SHC4: variants seen among roughly 807,000 people sequenced by gnomAD.
The protein encoded by SHC4 is SHC adaptor protein 4.
In SHC4, 41 loss-of-function variants were observed where a neutral mutation model predicts 69.4. That is an observed-to-expected ratio of 0.59 (90% CI 0.46 to 0.77). SHC4 has a LOEUF of 0.77. Among genes scored for constraint, SHC4 ranks in the 30% least tolerant of loss-of-function variants. The pLI is 0.00. For synonymous variants in SHC4, 318 were observed against 299.3 expected (o/e 1.06, Z -0.64); for missense variants, 777 against 783.8 (o/e 0.99, Z 0.10).
intron 1 of SHC4, among the ~76,000 whole-genome samples, chr15:48,937,164 T>G (rs1181927751): frequency 6.6e-6 from 1 of 152,250 alleles, no homozygotes; most frequent in Non-Finnish European, 1.5e-5. Context: ...GTCGCAAAAG[T>G]ATTATATCAT....
At chr15:48,876,498 C>T (rs1046456558) in intron 4 of SHC4, 19 of 532,814 alleles carry the variant, frequency 3.6e-5, no homozygotes, top group African/African-American at 2.1e-4. Flanking sequence ...TACATATACA[C>T]ATATATATGT....
At chr15:48,932,552 A>G (rs796391784) in intron 1 of SHC4, among the ~76,000 whole-genome samples, 70 of 152,202 alleles carry the variant, frequency 4.6e-4, no homozygotes, top group African/African-American at 1.7e-3. Flanking sequence ...TGAACTCACC[A>G]TGCTTCAAAA....
chr15:48,890,611 T>C (rs1423114926), intron 3 of SHC4, 137 bp downstream of exon 3: 11 of 923,730 alleles, frequency 1.2e-5, no homozygotes, highest in East Asian at 9.9e-5. Flanking sequence ...CAGTTTTGAG[T>C]GCAGCTCTGA....
At chr15:48,900,233 C>T (rs562911355) in intron 2 of SHC4, among the ~76,000 whole-genome samples, 82 of 152,166 alleles carry the variant, frequency 5.4e-4, no homozygotes, top group African/African-American at 1.8e-3. Flanking sequence ...TATGGCTGGG[C>T]GCAGTGGCTC....
In SHC4 at chr15:48,866,444, G is replaced by C. The variant is rs138667949; in HGVS notation, c.946+1374C>G. ...GAGGATCTACTACGTGCCAGGCTCT[G>C]TGCCAGCAGCTGGGCTTCATCATTT... On this transcript the variant is annotated intron_variant, in intron 6 of 11. Transcript: ENST00000332408. Among the ~76,000 whole-genome samples the C allele has an allele frequency of 2.6e-3, 392 of 152,298 alleles. 2 individuals carry two copies. The highest frequency in any genetic ancestry group is 9.2e-3 in the African/African-American group (381 of 41,562).
At chr15:48,937,538 C>T (rs975370296) in intron 1 of SHC4, among the ~76,000 whole-genome samples, 1 of 151,862 alleles carries the variant, frequency 6.6e-6, no homozygotes, top group Non-Finnish European at 1.5e-5. Flanking sequence ...AGACTCATGC[C>T]TTGCATATAT....
intron 9 of SHC4, 88 bp from the exon 10 acceptor site, chr15:48,843,676 C>T: frequency 1.5e-6 from 2 of 1,303,052 alleles, no homozygotes; most frequent in Non-Finnish European, 2.1e-6. Flanking sequence ...TTGATAGAAA[C>T]CTAAAGGCCA....
Position 48,843,414 on chromosome 15 carries a change from C to T in SHC4, c.1478G>A (p.Cys493Tyr). 2 of 1,607,690 alleles carry T rather than the reference C, an allele frequency of 1.2e-6. No homozygotes were observed. The highest frequency in any genetic ancestry group is 1.7e-6 in the Non-Finnish European group (2 of 1,175,858). ...GACAGTGAGTAGCTACTTACTTCCG[C>T]AGTGCCATGGGCTCCCCAGTGGTTG... The part of the protein sequence containing the change: ...SAQPLGSPWH[C>Y]GKAPETVQPG... The change falls in exon 10 of 12, where the codon TGC becomes TAC. Residue 493 changes from cysteine (C) to tyrosine (Y), a missense_variant. Coordinates refer to ENST00000332408, the MANE Select transcript of SHC4 (RefSeq NM_203349.4).
intron 6 of SHC4, among the ~76,000 whole-genome samples, chr15:48,863,653 T>C (rs989206237): frequency 6.6e-6 from 1 of 152,242 alleles, no homozygotes; most frequent in Non-Finnish European, 1.5e-5. Flanking sequence ...ATCTAAACTC[T>C]TTATCAGCAG....
chr15:48,856,280 G>A (rs7183535), intron 7 of SHC4, among the ~76,000 whole-genome samples, 156 bp from the exon 8 acceptor site: 47,018 of 152,062 alleles, frequency 0.31, 7,434 homozygotes, highest in East Asian at 0.37. Flanking sequence ...ATTTGGATGG[G>A]AGCAGTCAGA....
Position 48,867,178 on chromosome 15 carries a change from T to G in SHC4, c.946+640A>C, listed in dbSNP as rs763507875. Among the ~76,000 whole-genome samples the G allele has an allele frequency of 6.7e-4, 102 of 152,184 alleles. 1 individual carries two copies. Among genetic ancestry groups the G allele is most frequent in the Non-Finnish European group, 1.0e-3 (68 of 68,026 alleles). On this transcript the variant is annotated intron_variant, in intron 6 of 11. Coordinates refer to ENST00000332408, the MANE Select transcript of SHC4 (RefSeq NM_203349.4). ...AAATATTAGGTTGGTGCAAAGGTAA[T>G]AGCAGTTTTTGCCATTAAAAGCAAT...
At chr15:48,834,615 C>T (rs1898865663) in intron 11 of SHC4, among the ~76,000 whole-genome samples, 154 bp downstream of exon 11, 1 of 152,122 alleles carries the variant, frequency 6.6e-6, no homozygotes, top group African/African-American at 2.4e-5. Flanking sequence ...CCCTCCACTA[C>T]CCTCTAGTTA....
intron 8 of SHC4, among the ~76,000 whole-genome samples, chr15:48,851,679 C>G (rs1221386564): frequency 6.6e-6 from 1 of 152,208 alleles, no homozygotes; most frequent in African/African-American, 2.4e-5. Flanking sequence ...TCACGTCTCA[C>G]CCTTGAAAAT....
chr15:48,864,672 C>T (rs1217266951), intron 6 of SHC4, among the ~76,000 whole-genome samples: 1 of 152,016 alleles, frequency 6.6e-6, no homozygotes, highest in African/African-American at 2.4e-5. Context: ...TGGTCTCCAT[C>T]TCCTGACCTC....
intron 1 of SHC4, among the ~76,000 whole-genome samples, chr15:48,937,597 T>TAGAC (rs1245483375): frequency 6.6e-6 from 1 of 151,736 alleles, no homozygotes; most frequent in Non-Finnish European, 1.5e-5. Context: ...GATAGATAGA[T>TAGAC]AGATAGATAG....
chr15:48,903,793 C>T (rs1160628221), intron 2 of SHC4, among the ~76,000 whole-genome samples: 1 of 152,110 alleles, frequency 6.6e-6, no homozygotes, highest in Non-Finnish European at 1.5e-5. Context: ...CACTATGTTG[C>T]CCAGGCTGGA....
chr15:48,846,767 T>A (rs1411936571), intron 9 of SHC4, among the ~76,000 whole-genome samples: 1 of 152,214 alleles, frequency 6.6e-6, no homozygotes, highest in Non-Finnish European at 1.5e-5. Flanking sequence ...AATATCTGCA[T>A]GTCTATCCAA....
rs1225736021 is a variant in SHC4 at position 48,867,830 on chromosome 15, C to T, written c.934G>A (p.Val312Ile). Residue 312 changes from valine (V) to isoleucine (I), a missense_variant, in exon 6 of 12, where the codon GTT (valine) becomes ATT (isoleucine). Transcript: ENST00000332408. ...DYVAYVAKDP[V>I]NQRACHILEC... ...TTGCTTTCCATACCTCGTTGATTAA[C>T]TGGATCTTTAGCTACGTAGGCAACA... 4.3e-6 allele frequency: 7 copies of T among 1,613,516 alleles called. No individual in the cohort carries two copies. The African/African-American group carries it at 8.0e-5, about 18-fold the overall frequency.
chr15:48,865,509 T>G (rs1462830539), intron 6 of SHC4, among the ~76,000 whole-genome samples: 7 of 152,224 alleles, frequency 4.6e-5, no homozygotes, highest in Non-Finnish European at 8.8e-5. Flanking sequence ...AAGAAAACTA[T>G]GCTTTCCATG....
Sources: allele counts gnomAD v4.1 joint callset (sites outside exome capture counted in the v4.1 genomes callset), GRCh38; gene constraint gnomAD v4.1.1; transcripts MANE v1.5; gene names NCBI Gene and HGNC (gene_info 2026-07-23, HGNC 2026-07-21).